The following RAB28 variants were observed in gnomAD, a reference collection of about 807,000 sequenced individuals.
RAB28 encodes the protein ras-related protein Rab-28.
Under a neutral mutation model 31.7 loss-of-function variants are expected in RAB28, and 24 were observed. The ratio of observed to expected loss-of-function variants is 0.76; its 90% CI spans 0.55 to 1.06. The LOEUF (loss-of-function observed/expected upper bound fraction) is 1.06. Among genes scored for constraint, RAB28 ranks in the 50% least tolerant of loss-of-function variants. The pLI is 0.00. For missense variants in RAB28, 254 were observed against 258.5 expected, an observed-to-expected ratio of 0.98 and a Z score of 0.12; for synonymous variants, 100 against 90.4, an observed-to-expected ratio of 1.11 and a Z score of -0.60.
chr4:13,480,182 T>G (rs1716546710), intron 1 of RAB28, among the ~76,000 whole-genome samples: 2 of 151,774 alleles, frequency 1.3e-5, no homozygotes, highest in Admixed American at 6.6e-5. Context: ...CAAGCTATCA[T>G]AACCAGAACA....
chr4:13,471,583 C>A (rs915791572), intron 3 of RAB28, among the ~76,000 whole-genome samples: 3 of 151,914 alleles, frequency 2.0e-5, no homozygotes, highest in Admixed American at 6.6e-5. Context: ...CTCACTCCAG[C>A]CCCAAACTCC....
At chr4:13,377,015 C>T (rs895902562) in intron 5 of RAB28, among the ~76,000 whole-genome samples, 1 of 152,024 alleles carries the variant, frequency 6.6e-6, no homozygotes, top group Non-Finnish European at 1.5e-5. Flanking sequence ...TCGGTTTTAT[C>T]TTGGTCCTTT....
At chr4:13,418,890 T>G (rs1458028095) in intron 4 of RAB28, among the ~76,000 whole-genome samples, 1 of 152,116 alleles carries the variant, frequency 6.6e-6, no homozygotes, top group Non-Finnish European at 1.5e-5. Context: ...AGGATCAAAT[T>G]CACACATAAC....
rs537238873 is a variant in RAB28, at chr4:13,464,135, G to C, written c.262-3307C>G. 1.4e-4 allele frequency among the ~76,000 whole-genome samples: 21 copies of C among 152,152 alleles called. No individual in the cohort carries two copies. The East Asian group carries it at 1.9e-3, about 14-fold the overall frequency. ...ACTGCTGGAGGCTGACTGAGGTTTA[G>C]CTTAAGAGTGAGGAACTCCTAGGGG... is the stretch of plus-strand genomic sequence containing the variant. On this transcript the variant is annotated intron_variant, in intron 3 of 6. Coordinates refer to ENST00000330852, the MANE Select transcript of RAB28 (RefSeq NM_001017979.3).
chr4:13,463,127 G>A (rs984235153), intron 3 of RAB28, among the ~76,000 whole-genome samples: 3 of 152,258 alleles, frequency 2.0e-5, no homozygotes, highest in Admixed American at 1.3e-4. Flanking sequence ...ATCATACTAA[G>A]TGAACAAGAA....
intron 5 of RAB28, among the ~76,000 whole-genome samples, chr4:13,379,202 T>C: frequency 1.6e-5 from 1 of 63,236 alleles, no homozygotes; most frequent in South Asian, 7.3e-4. Context: ...TGAAACTCTG[T>C]CTCAAAAAAA....
intron 4 of RAB28, among the ~76,000 whole-genome samples, chr4:13,423,780 C>T (rs1038826049): frequency 6.6e-6 from 1 of 152,080 alleles, no homozygotes; most frequent in African/African-American, 2.4e-5. Flanking sequence ...AGTCTTCCAA[C>T]ATTTCTGTAT....
intron 3 of RAB28, among the ~76,000 whole-genome samples, chr4:13,467,452 A>C (rs1715915547): frequency 6.6e-6 from 1 of 151,846 alleles, no homozygotes; most frequent in South Asian, 2.1e-4. Context: ...TGTTTAAAGT[A>C]ATAATAATGC....
At chr4:13,474,914 A>G (rs1716281525) in intron 2 of RAB28, among the ~76,000 whole-genome samples, 1 of 151,652 alleles carries the variant, frequency 6.6e-6, no homozygotes, top group Admixed American at 6.6e-5. Flanking sequence ...ATCTTTTTAT[A>G]ATGTGATTGT....
chr4:13,371,806 G>C, intron 6 of RAB28: 1 of 1,546,862 alleles, frequency 6.5e-7, no homozygotes, highest in Admixed American at 2.0e-5. Context: ...TTTATTTTTA[G>C]AGCCACAAAG....
rs548534906 is a variant in RAB28, at chr4:13,484,218, G to A, written c.-68C>T. 150 of 1,313,124 alleles carry A rather than the reference G, an allele frequency of 1.1e-4. No individual in the cohort carries two copies. In the African/African-American group the frequency reaches 2.0e-3, roughly 17 times the overall value. The allele number at this position is 1,313,124 out of a possible 1,614,324, so 81.3% of individuals were successfully genotyped here. A position where few individuals can be genotyped will look rare whatever the true frequency, so the allele number is the denominator to read the frequency against. On this transcript the variant is annotated 5_prime_UTR_variant, in exon 1 of 7. Transcript: ENST00000330852. ...AGGGAAGGATGAAGGCTCCGGGGGC[G>A]GGGGAGAGGAGGAAGGGAGGTAGTT...
chr4:13,430,076 C>T (rs1224882441), intron 4 of RAB28, among the ~76,000 whole-genome samples: 4 of 151,994 alleles, frequency 2.6e-5, no homozygotes, highest in Non-Finnish European at 5.9e-5. Flanking sequence ...AAGACCACTC[C>T]GTGGGAAAAG....
At chr4:13,410,296 G>A (rs1162293765) in intron 4 of RAB28, among the ~76,000 whole-genome samples, 1 of 152,106 alleles carries the variant, frequency 6.6e-6, no homozygotes, top group African/African-American at 2.4e-5. Context: ...AGAACAGCTG[G>A]ATAGAGCAGT....
chr4:13,483,415 G>A (rs1322981153), intron 1 of RAB28, among the ~76,000 whole-genome samples: 1 of 152,146 alleles, frequency 6.6e-6, no homozygotes, highest in Non-Finnish European at 1.5e-5. Context: ...GTGCTGAGCT[G>A]GAAACAGAGG....
chr4:13,480,845 G>C (rs1048300805), intron 1 of RAB28, among the ~76,000 whole-genome samples: 1 of 151,862 alleles, frequency 6.6e-6, no homozygotes, highest in African/African-American at 2.4e-5. Flanking sequence ...GAATTGAAAA[G>C]ATAGGTATTT....
chr4:13,445,311 T>C (rs1306633134), intron 4 of RAB28, among the ~76,000 whole-genome samples: 1 of 152,096 alleles, frequency 6.6e-6, no homozygotes, highest in African/African-American at 2.4e-5. Context: ...CTTCTTTGCA[T>C]TGGGTTATAG....
chr4:13,468,420 T>G (rs1261206123), intron 3 of RAB28, among the ~76,000 whole-genome samples: 1 of 151,756 alleles, frequency 6.6e-6, no homozygotes, highest in Non-Finnish European at 1.5e-5. Flanking sequence ...TCAGTAACAG[T>G]AAAATAGCTT....
chr4:13,454,022 AT>A lies in RAB28; in HGVS notation c.391+6676del, dbSNP rs796236948. Among the ~76,000 whole-genome samples, 700 of 151,100 alleles carry A rather than the reference AT, an allele frequency of 4.6e-3. 5 individuals are homozygous for A. Among genetic ancestry groups the A allele is most frequent in the African/African-American group, 0.016 (662 of 41,174 alleles). The stretch of plus-strand genomic sequence containing the variant: ...CACAATAATCCTATACATTTTCTTC[AT>A]TTTTTTTCTTTTTTTAGTTATTTAT... On this transcript the variant is annotated intron_variant, in intron 4 of 6. Coordinates refer to ENST00000330852, the MANE Select transcript of RAB28 (RefSeq NM_001017979.3).
At chr4:13,426,269 T>C (rs1398381274) in intron 4 of RAB28, among the ~76,000 whole-genome samples, 1 of 152,164 alleles carries the variant, frequency 6.6e-6, no homozygotes, top group Non-Finnish European at 1.5e-5. Flanking sequence ...AAATTCATCC[T>C]CTTCTTAGTC....
Sources: gnomAD v4.1 joint callset for allele counts (sites outside exome capture counted in the v4.1 genomes callset) on GRCh38, gnomAD v4.1.1 for gene constraint, MANE v1.5 for transcripts, NCBI Gene and HGNC (gene_info 2026-07-23, HGNC 2026-07-21) for gene names.